Variants in FBXL17 observed in about 807,000 individuals in gnomAD.
FBXL17 encodes F-box/LRR-repeat protein 17.
A neutral mutation model predicts 66.2 loss-of-function variants in FBXL17; 22 were observed. The ratio of observed to expected loss-of-function variants is 0.33; its 90% CI spans 0.24 to 0.47. The LOEUF (loss-of-function observed/expected upper bound fraction) is 0.47. Ranked by LOEUF, FBXL17 falls within the 20% of genes least tolerant of loss-of-function variation. The probability of loss-of-function intolerance (pLI) is 1.00; values close to 1 mark genes in which losing one functional copy is unlikely to be tolerated. For synonymous variants in FBXL17, 474 were observed against 400.5 expected (o/e 1.18, Z -2.19); for missense variants, 878 against 948.2 (o/e 0.93, Z 0.97).
At chr5:108,372,164 A>C (rs528910459) in intron 1 of FBXL17, among the ~76,000 whole-genome samples, 2 of 152,318 alleles carry the variant, frequency 1.3e-5, no homozygotes, top group East Asian at 3.9e-4. Flanking sequence ...TCTTATAATC[A>C]TATCTCTTTC....
At chr5:108,228,930 A>G (rs561112867) in intron 4 of FBXL17, among the ~76,000 whole-genome samples, 1 of 152,280 alleles carries the variant, frequency 6.6e-6, no homozygotes, top group African/African-American at 2.4e-5. Context: ...TTCTAATTTA[A>G]TTTGTTGGGT....
intron 3 of FBXL17, among the ~76,000 whole-genome samples, chr5:108,359,516 A>G (rs764925737): frequency 6.6e-6 from 1 of 152,076 alleles, no homozygotes; most frequent in South Asian, 2.1e-4. Flanking sequence ...TCATCTCAAG[A>G]TATTTTCTAA....
intron 6 of FBXL17, among the ~76,000 whole-genome samples, chr5:108,092,081 T>A (rs150712798): frequency 1.3e-5 from 2 of 152,322 alleles, no homozygotes; most frequent in African/African-American, 4.8e-5. Context: ...AAAATATTAC[T>A]TTACATACTA....
At chr5:107,962,011 T>C (rs569140597) in intron 7 of FBXL17, among the ~76,000 whole-genome samples, 77 of 152,314 alleles carry the variant, frequency 5.1e-4, no homozygotes, top group African/African-American at 1.8e-3. Flanking sequence ...ATAACAAATG[T>C]GAGCACAAAA....
chr5:108,224,767 G>GTT (rs147141846), intron 4 of FBXL17, among the ~76,000 whole-genome samples: 16 of 151,322 alleles, frequency 1.1e-4, no homozygotes, highest in African/African-American at 3.6e-4. Flanking sequence ...AGTTTTTTTG[G>GTT]TTTTTTTTGT....
At chr5:108,106,839 C>T (rs970031990) in intron 6 of FBXL17, among the ~76,000 whole-genome samples, 8 of 152,056 alleles carry the variant, frequency 5.3e-5, no homozygotes, top group African/African-American at 1.9e-4. Flanking sequence ...ATAGTGAATA[C>T]ACTAAACTGT....
At chr5:107,988,363 T>G (rs1022734474) in intron 7 of FBXL17, among the ~76,000 whole-genome samples, 1 of 151,848 alleles carries the variant, frequency 6.6e-6, no homozygotes, top group Non-Finnish European at 1.5e-5. Flanking sequence ...GCAATTAAAA[T>G]TTTTTTTCAA....
chr5:108,003,592 A>G (rs1357371326), intron 7 of FBXL17, among the ~76,000 whole-genome samples: 1 of 152,222 alleles, frequency 6.6e-6, no homozygotes, highest in East Asian at 1.9e-4. Context: ...TGTGAAATAG[A>G]AAGAGAACTG....
At chr5:108,092,858 G>A (rs564793542) in intron 6 of FBXL17, among the ~76,000 whole-genome samples, 1 of 152,216 alleles carries the variant, frequency 6.6e-6, no homozygotes, top group African/African-American at 2.4e-5. Context: ...GGTTATTTTT[G>A]TTTTGTTTTG....
chr5:108,251,249 T>G (rs1289033033), intron 4 of FBXL17, among the ~76,000 whole-genome samples: 4 of 152,016 alleles, frequency 2.6e-5, no homozygotes, highest in Non-Finnish European at 4.4e-5. Flanking sequence ...TCACCAGAAA[T>G]TATCAAACTT....
intron 6 of FBXL17, among the ~76,000 whole-genome samples, chr5:108,021,332 T>C (rs1387821342): frequency 6.7e-6 from 1 of 149,646 alleles, no homozygotes; most frequent in Non-Finnish European, 1.5e-5. Flanking sequence ...TTTATTATAA[T>C]AGAACTGTAG....
intron 6 of FBXL17, among the ~76,000 whole-genome samples, chr5:108,045,003 T>C (rs926123494): frequency 3.3e-5 from 5 of 152,190 alleles, no homozygotes; most frequent in Non-Finnish European, 7.4e-5. Context: ...ATTCCTGACA[T>C]TGGCAATTTG....
At chr5:107,983,868 A>C (rs987342377) in intron 7 of FBXL17, among the ~76,000 whole-genome samples, 2 of 152,216 alleles carry the variant, frequency 1.3e-5, no homozygotes, top group Non-Finnish European at 2.9e-5. Flanking sequence ...GGAGGGAGAC[A>C]GGAAGAACAG....
In FBXL17 at chr5:108,238,867, C is replaced by G. The variant is rs1755726050; in HGVS notation, c.1507-14639G>C. Among the ~76,000 whole-genome samples the G allele has an allele frequency of 1.3e-5, 2 of 152,030 alleles. 1 individual carries two copies. Among genetic ancestry groups the G allele is most frequent in the Non-Finnish European group, 2.9e-5 (2 of 67,976 alleles). The stretch of plus-strand genomic sequence containing the variant: ...CATGTGTGGTTAACGTGGAAAGCAG[C>G]CAAACACATGACTAAAAATTACAGT... On this transcript the variant is annotated intron_variant, in intron 4 of 8. Transcript: ENST00000542267.
At chr5:108,028,613 T>C (rs1462961066) in intron 6 of FBXL17, among the ~76,000 whole-genome samples, 1 of 152,132 alleles carries the variant, frequency 6.6e-6, no homozygotes, top group Non-Finnish European at 1.5e-5. Flanking sequence ...GGAGTTGGCC[T>C]GTGCTTCAAT....
At chr5:107,870,095 AG>A (rs1748396147) in intron 8 of FBXL17, among the ~76,000 whole-genome samples, 1 of 152,116 alleles carries the variant, frequency 6.6e-6, no homozygotes, top group Non-Finnish European at 1.5e-5. Flanking sequence ...GTGGAGAGGG[AG>A]CCAGGCATCA....
intron 7 of FBXL17, among the ~76,000 whole-genome samples, chr5:108,002,552 C>T (rs993520884): frequency 3.3e-5 from 5 of 151,948 alleles, no homozygotes; most frequent in Admixed American, 2.0e-4. Flanking sequence ...AATGAGAACA[C>T]GTGTTCAAAT....
At chr5:108,374,897 A>T (rs1749313667) in intron 1 of FBXL17, among the ~76,000 whole-genome samples, 1 of 152,200 alleles carries the variant, frequency 6.6e-6, no homozygotes, top group Non-Finnish European at 1.5e-5. Flanking sequence ...ATTTAAAAAG[A>T]AGAAAGATCT....
At chr5:107,999,199 A>C (rs1313592681) in intron 7 of FBXL17, among the ~76,000 whole-genome samples, 2 of 152,190 alleles carry the variant, frequency 1.3e-5, no homozygotes, top group African/African-American at 4.8e-5. Context: ...CAGAGTGAGT[A>C]GGATGAAAAT....
Sources: allele counts gnomAD v4.1 joint callset (sites outside exome capture counted in the v4.1 genomes callset), GRCh38; gene constraint gnomAD v4.1.1; transcripts MANE v1.5; gene names NCBI Gene and HGNC (gene_info 2026-07-23, HGNC 2026-07-21).